Variants in PPARGC1A observed in about 807,000 individuals in gnomAD.
PPARGC1A encodes the protein PPARG coactivator 1 alpha, also known as peroxisome proliferator-activated receptor gamma coactivator 1-alpha.
Under a neutral mutation model 88.7 loss-of-function variants are expected in PPARGC1A, and 25 were observed. The ratio of observed to expected loss-of-function variants is 0.28; its 90% CI spans 0.21 to 0.39. The LOEUF is 0.39. Among genes scored for constraint, PPARGC1A ranks in the 10% least tolerant of loss-of-function variants. PPARGC1A has a pLI of 1.00. For synonymous variants in PPARGC1A, 363 were observed against 355.6 expected (o/e 1.02, Z -0.24); for missense variants, 880 against 968.7 (o/e 0.91, Z 1.22).
chr4:24,262,823 G>A, the PPARGC1A span, among the ~76,000 whole-genome samples: 1 of 152,020 alleles, frequency 6.6e-6, no homozygotes, highest in Non-Finnish European at 1.5e-5. Flanking sequence ...CTGGGCAAGC[G>A]ATGGCTGTGG....
the PPARGC1A span, among the ~76,000 whole-genome samples, chr4:24,370,079 G>A: frequency 6.6e-6 from 1 of 152,144 alleles, no homozygotes; most frequent in Non-Finnish European, 1.5e-5. Context: ...CAAGCTTCAG[G>A]CTCACAGCCT....
chr4:23,894,779 A>G (rs1378908589), upstream of PPARGC1A, among the ~76,000 whole-genome samples: 2 of 152,160 alleles, frequency 1.3e-5, no homozygotes, highest in African/African-American at 2.4e-5. Flanking sequence ...TAAAGCAACA[A>G]TTGTACTTAT....
At chr4:23,895,980 GTATATATATA>G (rs5856800) in intron 1 of PPARGC1A, among the ~76,000 whole-genome samples, 4 of 19,870 alleles carry the variant, frequency 2.0e-4, no homozygotes, top group African/African-American at 6.6e-4. Context: ...GTGTGTGTGT[GTATATATATA>G]TACACACACA....
the PPARGC1A span, among the ~76,000 whole-genome samples, chr4:24,202,192 T>C: frequency 6.6e-6 from 1 of 152,194 alleles, no homozygotes; most frequent in Non-Finnish European, 1.5e-5. Flanking sequence ...TCATCACTTT[T>C]AAGCACTCCC....
chr4:23,878,153 G>A (rs1715179515), intron 2 of PPARGC1A, among the ~76,000 whole-genome samples: 2 of 152,212 alleles, frequency 1.3e-5, no homozygotes, highest in African/African-American at 4.8e-5. Context: ...GACTCCGGGA[G>A]GTTGGAAAAA....
At chr4:24,158,339 T>C in the PPARGC1A span, among the ~76,000 whole-genome samples, 7 of 152,178 alleles carry the variant, frequency 4.6e-5, no homozygotes, top group African/African-American at 1.7e-4. Flanking sequence ...ATTTTCTTTG[T>C]CACTCATTTA....
chr4:24,295,714 T>C, the PPARGC1A span, among the ~76,000 whole-genome samples: 1 of 149,800 alleles, frequency 6.7e-6, no homozygotes, highest in Non-Finnish European at 1.5e-5. Flanking sequence ...TATATACACA[T>C]ATACGTATTA....
the PPARGC1A span, among the ~76,000 whole-genome samples, chr4:24,128,567 TGTGTGTGTGTGTGC>T: frequency 6.7e-6 from 1 of 148,596 alleles, no homozygotes; most frequent in African/African-American, 2.6e-5. Context: ...TGTGTGTGTG[TGTGTGTGTGTGTGC>T]ACGCGCATCT....
At chr4:24,071,793 A>G in the PPARGC1A span, among the ~76,000 whole-genome samples, 1 of 152,152 alleles carries the variant, frequency 6.6e-6, no homozygotes, top group African/African-American at 2.4e-5. Context: ...TCAGCCTTGG[A>G]CAGGTCCCAG....
the PPARGC1A span, among the ~76,000 whole-genome samples, chr4:24,242,268 C>T: frequency 9.2e-5 from 14 of 152,308 alleles, no homozygotes; most frequent in South Asian, 2.1e-4. Flanking sequence ...GAGCCCAACA[C>T]GCCTGGTGTG....
the PPARGC1A span, among the ~76,000 whole-genome samples, chr4:23,933,400 A>G: frequency 6.6e-6 from 1 of 152,202 alleles, no homozygotes; most frequent in African/African-American, 2.4e-5. Context: ...CTTTGCTTCC[A>G]GGAGTAAGTG....
chr4:24,056,925 A>G, the PPARGC1A span, among the ~76,000 whole-genome samples: 2 of 152,208 alleles, frequency 1.3e-5, no homozygotes, highest in African/African-American at 4.8e-5. Flanking sequence ...GAATTTCCAT[A>G]TGATCCAGCA....
the PPARGC1A span, among the ~76,000 whole-genome samples, chr4:24,116,428 G>A: frequency 6.6e-6 from 1 of 152,180 alleles, no homozygotes; most frequent in African/African-American, 2.4e-5. Context: ...CACTCTATGT[G>A]TTTGGGATCA....
At chr4:24,297,109 C>T in the PPARGC1A span, among the ~76,000 whole-genome samples, 1 of 152,122 alleles carries the variant, frequency 6.6e-6, no homozygotes, top group Admixed American at 6.6e-5. Context: ...AAGTGATTCA[C>T]ACTCGAAGCT....
chr4:23,962,117 C>T, the PPARGC1A span, among the ~76,000 whole-genome samples: 3 of 148,574 alleles, frequency 2.0e-5, no homozygotes, highest in African/African-American at 7.9e-5. Context: ...CTCTTCTCAT[C>T]TTTTTATTTT....
chr4:24,290,130 C>T, the PPARGC1A span, among the ~76,000 whole-genome samples: 118 of 152,272 alleles, frequency 7.7e-4, 1 homozygote, highest in African/African-American at 2.7e-3. Flanking sequence ...ATCCCTCCCA[C>T]GACATGTGGG....
At chr4:24,341,220 T>C in the PPARGC1A span, among the ~76,000 whole-genome samples, 1 of 147,986 alleles carries the variant, frequency 6.8e-6, no homozygotes, top group Non-Finnish European at 1.5e-5. Flanking sequence ...TATATAATTA[T>C]ATATATATAT....
the PPARGC1A span, among the ~76,000 whole-genome samples, chr4:24,295,495 G>A: frequency 6.6e-6 from 1 of 152,012 alleles, no homozygotes; most frequent in East Asian, 1.9e-4. Context: ...GAGGGCATTG[G>A]ACTAGAATCC....
the PPARGC1A span, among the ~76,000 whole-genome samples, chr4:24,132,771 A>G: frequency 8.6e-5 from 13 of 151,818 alleles, no homozygotes; most frequent in South Asian, 2.7e-3. Flanking sequence ...TTTTTCAGAC[A>G]AACAACATCC....
Sources: allele counts gnomAD v4.1 joint callset (sites outside exome capture counted in the v4.1 genomes callset), GRCh38; gene constraint gnomAD v4.1.1; transcripts MANE v1.5; gene names NCBI Gene and HGNC (gene_info 2026-07-23, HGNC 2026-07-21).